Variants in NSMCE1 observed in about 807,000 individuals in gnomAD.
NSMCE1 encodes NSE1 component of SMC5/6 complex.
In NSMCE1, 18 loss-of-function variants were observed where a neutral mutation model predicts 29.6. The observed-to-expected ratio is 0.61, with a 90% CI of 0.42 to 0.90. NSMCE1 has a LOEUF of 0.90. Among genes scored for constraint, NSMCE1 ranks in the 40% least tolerant of loss-of-function variants. The pLI is 0.00. For synonymous variants in NSMCE1, 124 were observed against 133.4 expected (o/e 0.93, Z 0.49); for missense variants, 314 against 343.6 (o/e 0.91, Z 0.68).
chr16:27,236,217 G>A (rs2083822953), intron 2 of NSMCE1, among the ~76,000 whole-genome samples: 2 of 152,272 alleles, frequency 1.3e-5, no homozygotes, highest in East Asian at 1.9e-4. Flanking sequence ...TTTCTCCTGT[G>A]GCACCAGGAA....
In NSMCE1 at chr16:27,232,892, G is replaced by A. The variant is rs144973752; in HGVS notation, c.483+109C>T. ...ATGCATGAAAGCAGATAAGGGATCC[G>A]AGAAGGCCGGGCTCCTCAGACATCA... On this transcript the variant is annotated intron_variant, in intron 5 of 7. Coordinates refer to ENST00000361439, the MANE Select transcript of NSMCE1 (RefSeq NM_145080.4). The surrounding 1 kb of genome is among the most constrained non-coding windows in gnomAD (Gnocchi z 4.5). The A allele has an allele frequency of 1.6e-3, 1,917 of 1,176,242 alleles. 6 individuals carry two copies. The Middle Eastern group carries it at 0.017, about 10-fold the overall frequency. 72.9% of individuals were successfully genotyped at this position (1,176,242 alleles called of 1,614,324 possible).
intron 4 of NSMCE1, among the ~76,000 whole-genome samples, chr16:27,233,660 G>T (rs771312542): frequency 6.6e-6 from 1 of 152,254 alleles, no homozygotes; most frequent in Non-Finnish European, 1.5e-5. Flanking sequence ...TATTATCATT[G>T]CATCTAGGCC....
Position 27,266,691 on chromosome 16 carries a change from A to C in NSMCE1, c.-12+2015T>G, listed in dbSNP as rs1282757970. On this transcript the variant is annotated intron_variant, in intron 1 of 7. Transcript: ENST00000361439. ...TATTGGCTTTAAATGTACATCAGTA[A>C]ATTTTTAAATGCTAAAAAGTTATGA... is the stretch of plus-strand genomic sequence containing the variant. 2.0e-5 allele frequency: 3 copies of C among 152,300 alleles called. No homozygotes were observed. In the East Asian group the frequency reaches 5.8e-4, roughly 29 times the overall value. The allele number at this position is 152,300 out of a possible 1,614,324, so 9.4% of individuals were successfully genotyped here. A position where few individuals can be genotyped will look rare whatever the true frequency, so the allele number is the denominator to read the frequency against.
rs1441577456 is a variant in NSMCE1, at chr16:27,232,720, A to G, written c.483+281T>C. 1.3e-5 allele frequency among the ~76,000 whole-genome samples: 2 copies of G among 152,206 alleles called. No individual in the cohort carries two copies. Among genetic ancestry groups the G allele is most frequent in the Non-Finnish European group, 2.9e-5 (2 of 68,040 alleles). On this transcript the variant is annotated intron_variant, in intron 5 of 7. Coordinates refer to ENST00000361439, the MANE Select transcript of NSMCE1 (RefSeq NM_145080.4). The surrounding 1 kb of genome is among the most constrained non-coding windows in gnomAD (Gnocchi z 4.5). ...CCCTGCCTTGCAGTCTGTGGGCTAG[A>G]GCCTTGATCCTGGGGCCCAAGTCCC...
chr16:27,233,135 T>C lies in NSMCE1; in HGVS notation c.349A>G (p.Ile117Val). 1 of 1,613,444 alleles carries C rather than the reference T, an allele frequency of 6.2e-7. No individual in the cohort carries two copies. The highest frequency in any genetic ancestry group is 1.7e-5 in the Admixed American group (1 of 59,846). ...DLFRKALELI[I>V]DSETGFASST... ...GACGCAAAGCCGGTTTCTGAGTCAA[T>C]AATCAGTTCCAGCTGGAAGAAAGAG... The change falls in exon 5 of 8, where the codon ATT (isoleucine) becomes GTT (valine). Residue 117 changes from isoleucine (I) to valine (V), a missense_variant. Transcript: ENST00000361439.
At chr16:27,267,015 A>G (rs989434821) in intron 1 of NSMCE1, among the ~76,000 whole-genome samples, 2 of 152,158 alleles carry the variant, frequency 1.3e-5, no homozygotes, top group Admixed American at 6.5e-5. Context: ...GTTTTAGCCA[A>G]TTTAAGGCAG....
At chr16:27,251,176 AT>A (rs1567281178) in intron 2 of NSMCE1, among the ~76,000 whole-genome samples, 8,986 of 67,416 alleles carry the variant, frequency 0.13, 1,038 homozygotes, top group African/African-American at 0.42. Flanking sequence ...ATATATATAT[AT>A]ATATATATAT....
chr16:27,266,429 A>T (rs1438430317), intron 1 of NSMCE1: 1 of 152,140 alleles, frequency 6.6e-6, no homozygotes, highest in Non-Finnish European at 1.5e-5. Flanking sequence ...TAGCATAGAC[A>T]TGTATTACCT....
At chr16:27,233,460 C>T (rs562190651) in intron 4 of NSMCE1, among the ~76,000 whole-genome samples, 7 of 152,192 alleles carry the variant, frequency 4.6e-5, no homozygotes, top group East Asian at 3.9e-4. Flanking sequence ...AGGCAGGAAC[C>T]GCTGGGGAAG....
intron 2 of NSMCE1, among the ~76,000 whole-genome samples, chr16:27,243,155 C>T (rs909343983): frequency 2.6e-5 from 4 of 152,188 alleles, no homozygotes; most frequent in African/African-American, 4.8e-5. Context: ...AATCTCCTGG[C>T]GGTTGTTTTC....
intron 2 of NSMCE1, among the ~76,000 whole-genome samples, chr16:27,249,724 A>C (rs1310391564): frequency 6.6e-6 from 1 of 152,230 alleles, no homozygotes; most frequent in Non-Finnish European, 1.5e-5. Flanking sequence ...TGTCTTTTTC[A>C]AAATAGTTTT....
chr16:27,241,969 T>G (rs2083900404), intron 2 of NSMCE1: 3 of 358,192 alleles, frequency 8.4e-6, no homozygotes, highest in South Asian at 6.0e-5. Flanking sequence ...CACGAAAGGA[T>G]GTGGGCATTC....
chr16:27,243,244 C>T (rs929679743), intron 2 of NSMCE1, among the ~76,000 whole-genome samples: 1 of 152,200 alleles, frequency 6.6e-6, no homozygotes, highest in Non-Finnish European at 1.5e-5. Flanking sequence ...TACCACTGAC[C>T]GTTCACCGTC....
intron 1 of NSMCE1, among the ~76,000 whole-genome samples, chr16:27,266,115 G>T (rs2084221852): frequency 1.3e-5 from 2 of 152,142 alleles, no homozygotes; most frequent in Admixed American, 1.3e-4. Context: ...ATTCACACCT[G>T]TAATCTCAAT....
intron 2 of NSMCE1, among the ~76,000 whole-genome samples, chr16:27,248,759 T>C (rs1311596129): frequency 6.6e-6 from 1 of 151,864 alleles, no homozygotes; most frequent in East Asian, 1.9e-4. Flanking sequence ...TGTGCTCATC[T>C]GCCATCTGTA....
chr16:27,253,766 T>G (rs1382800570), intron 2 of NSMCE1, among the ~76,000 whole-genome samples: 1 of 152,152 alleles, frequency 6.6e-6, no homozygotes, highest in Non-Finnish European at 1.5e-5. Flanking sequence ...TAGGGAAGCT[T>G]TGCTGGTTGA....
intron 7 of NSMCE1, among the ~76,000 whole-genome samples, 172 bp downstream of exon 7, chr16:27,225,554 C>T (rs149210988): frequency 1.3e-5 from 2 of 152,334 alleles, no homozygotes; most frequent in East Asian, 1.9e-4. Flanking sequence ...GAGCGGTGCA[C>T]GTAGCTCAGC....
Position 27,255,429 on chromosome 16 carries a change from A to C in NSMCE1, c.136+2006T>G, listed in dbSNP as rs1160056802. ...GTGTATAGGGTTCTTCATGATCTGC[A>C]AACCTACACACGAAAAGAATGTATT... On this transcript the variant is annotated intron_variant, in intron 2 of 7. Coordinates refer to ENST00000361439, the MANE Select transcript of NSMCE1 (RefSeq NM_145080.4). Among the ~76,000 whole-genome samples, 3 of 152,194 alleles carry C rather than the reference A, an allele frequency of 2.0e-5. No individual in the cohort carries two copies. The East Asian group carries it at 5.8e-4, about 29-fold the overall frequency.
chr16:27,258,906 G>A (rs1328474242), intron 1 of NSMCE1, among the ~76,000 whole-genome samples: 2 of 151,654 alleles, frequency 1.3e-5, no homozygotes, highest in East Asian at 1.9e-4. Context: ...GCCCACCACC[G>A]TGCCTGACTA....
Sources: allele counts gnomAD v4.1 joint callset (sites outside exome capture counted in the v4.1 genomes callset), GRCh38; gene constraint gnomAD v4.1.1; non-coding constraint Gnocchi (gnomAD v3.1); transcripts MANE v1.5; gene names NCBI Gene and HGNC (gene_info 2026-07-23, HGNC 2026-07-21).